SLCO5A1: variants seen among roughly 807,000 people sequenced by gnomAD.
SLCO5A1 encodes organic anion transporter polypeptide-related protein 4.
A neutral mutation model predicts 65.1 loss-of-function variants in SLCO5A1; 39 were observed. The ratio of observed to expected loss-of-function variants is 0.60; its 90% CI spans 0.46 to 0.78. The LOEUF (loss-of-function observed/expected upper bound fraction) is 0.78. SLCO5A1 is among the 30% of genes least tolerant of loss of function. The probability of loss-of-function intolerance (pLI) is 0.00; values close to 1 mark genes in which losing one functional copy is unlikely to be tolerated. For synonymous variants in SLCO5A1, 438 were observed against 415.7 expected (o/e 1.05, Z -0.65); for missense variants, 1,029 against 1,069.4 (o/e 0.96, Z 0.53).
chr8:69,803,342 G>A (rs1025244921), intron 2 of SLCO5A1, among the ~76,000 whole-genome samples: 1 of 152,088 alleles, frequency 6.6e-6, no homozygotes, highest in South Asian at 2.1e-4. Flanking sequence ...ACTTGAACCT[G>A]GGAGGCAGAG....
intron 2 of SLCO5A1, among the ~76,000 whole-genome samples, chr8:69,821,961 AC>A (rs1157299213): frequency 2.6e-5 from 4 of 152,042 alleles, no homozygotes; most frequent in African/African-American, 9.7e-5. Context: ...CCCCATCTCT[AC>A]TACAAATACA....
chr8:69,800,785 T>C (rs1447795823), intron 2 of SLCO5A1, among the ~76,000 whole-genome samples: 1 of 152,216 alleles, frequency 6.6e-6, no homozygotes, highest in Non-Finnish European at 1.5e-5. Flanking sequence ...CCCAGGCTGA[T>C]GGCACCAGAA....
chr8:69,784,895 G>GAAGGAAGAAAGA (rs368512400), intron 2 of SLCO5A1, among the ~76,000 whole-genome samples: 9 of 85,034 alleles, frequency 1.1e-4, no homozygotes, highest in South Asian at 4.6e-4. Context: ...AAGAAGAAAG[G>GAAGGAAGAAAGA]AAGAAAGAAA....
rs1305679134 is a variant in SLCO5A1 at position 69,792,187 on chromosome 8, T to G, written c.908-30312A>C. Among the ~76,000 whole-genome samples, 3 of 151,674 alleles carry G rather than the reference T, an allele frequency of 2.0e-5. No homozygotes were observed. In the East Asian group the frequency reaches 5.8e-4, roughly 29 times the overall value. ...GATATAGATTAATACCATTTCAACA[T>G]AAGAAAATCTCAAGCCAGTGTGTGA... is the stretch of plus-strand genomic sequence containing the variant. On this transcript the variant is annotated intron_variant, in intron 2 of 9. Transcript: ENST00000260126.
Position 69,703,125 on chromosome 8 carries a change from G to A in SLCO5A1, c.1622+1906C>T, listed in dbSNP as rs72660134. The stretch of plus-strand genomic sequence containing the variant: ...GACTCTGTTTCAAAAAAAAAAAAAA[G>A]AAAAAAGAAAAAAAGAAAAGAAAAA... On this transcript the variant is annotated intron_variant, in intron 6 of 9. Transcript: ENST00000260126. 2.4e-3 allele frequency among the ~76,000 whole-genome samples: 180 copies of A among 76,212 alleles called. 2 individuals are homozygous for A. The highest frequency in any genetic ancestry group is 4.8e-3 in the South Asian group (9 of 1,878). 50.0% of individuals were successfully genotyped at this position (76,212 alleles called of 152,430 possible).
chr8:69,765,049 G>A (rs1817991638), intron 2 of SLCO5A1, among the ~76,000 whole-genome samples: 1 of 152,028 alleles, frequency 6.6e-6, no homozygotes, highest in Non-Finnish European at 1.5e-5. Context: ...TTTAAAATTT[G>A]GAAAAGTAAC....
intron 3 of SLCO5A1, among the ~76,000 whole-genome samples, chr8:69,758,438 C>T (rs938688503): frequency 2.0e-5 from 3 of 152,080 alleles, no homozygotes; most frequent in Non-Finnish European, 4.4e-5. Context: ...CCTCAGCTTC[C>T]CAAAGTGCTG....
At chr8:69,831,334 G>A (rs1009911379) in intron 2 of SLCO5A1, among the ~76,000 whole-genome samples, 4 of 151,740 alleles carry the variant, frequency 2.6e-5, no homozygotes, top group East Asian at 1.9e-4. Flanking sequence ...GTCTGGCCAC[G>A]CCACCATCCC....
chr8:69,753,373 G>A (rs1244206508), intron 4 of SLCO5A1, among the ~76,000 whole-genome samples: 1 of 152,174 alleles, frequency 6.6e-6, no homozygotes, highest in Non-Finnish European at 1.5e-5. Context: ...CCTCAAGCAG[G>A]AGCCAAGCAG....
chr8:69,771,608 T>A (rs923809047), intron 2 of SLCO5A1, among the ~76,000 whole-genome samples: 1 of 152,242 alleles, frequency 6.6e-6, no homozygotes, highest in Admixed American at 6.5e-5. Flanking sequence ...ATGTGGTGCA[T>A]ATTTTGTGAT....
At chr8:69,676,708 ATAG>A in intron 8 of SLCO5A1, 35 bp from the exon 9 acceptor site, 1 of 1,578,682 alleles carries the variant, frequency 6.3e-7, no homozygotes, top group Non-Finnish European at 8.7e-7. Flanking sequence ...TGCATTTTAA[ATAG>A]TAGCCCCAAG....
At chr8:69,675,126 T>A (rs973139612) in intron 9 of SLCO5A1, among the ~76,000 whole-genome samples, 2 of 151,984 alleles carry the variant, frequency 1.3e-5, no homozygotes, top group Admixed American at 1.3e-4. Flanking sequence ...TATTTCTAAA[T>A]GTTATTTCTA....
At chr8:69,824,977 G>A (rs1164374927) in intron 2 of SLCO5A1, among the ~76,000 whole-genome samples, 7 of 151,886 alleles carry the variant, frequency 4.6e-5, no homozygotes, top group East Asian at 1.9e-4. Flanking sequence ...TTCAATATAC[G>A]CAAATCAATA....
chr8:69,824,546 G>A (rs970185020), intron 2 of SLCO5A1, among the ~76,000 whole-genome samples: 2 of 152,096 alleles, frequency 1.3e-5, no homozygotes, highest in African/African-American at 2.4e-5. Context: ...ATAAATTCCT[G>A]GACACATACA....
At chr8:69,688,836 C>T (rs1371341725) in intron 6 of SLCO5A1, among the ~76,000 whole-genome samples, 3 of 152,158 alleles carry the variant, frequency 2.0e-5, no homozygotes, top group Non-Finnish European at 4.4e-5. Flanking sequence ...GATTTATAGT[C>T]CTTTGGGTAT....
intron 2 of SLCO5A1, among the ~76,000 whole-genome samples, chr8:69,810,442 C>T (rs1313303170): frequency 6.6e-6 from 1 of 152,138 alleles, no homozygotes; most frequent in South Asian, 2.1e-4. Context: ...TGGAGGAGTG[C>T]CGTTCCAGCT....
intron 6 of SLCO5A1, among the ~76,000 whole-genome samples, chr8:69,701,807 A>G (rs1225385397): frequency 1.3e-5 from 2 of 152,348 alleles, no homozygotes; most frequent in East Asian, 1.9e-4. Flanking sequence ...GTCCCAGGCC[A>G]TAGTCATTCA....
At chr8:69,704,795 T>C in intron 6 of SLCO5A1, 1 of 515,784 alleles carries the variant, frequency 1.9e-6, no homozygotes, top group South Asian at 2.8e-5. Context: ...TCATCTGATG[T>C]AATTAAAATG....
In SLCO5A1 at chr8:69,784,895, G is replaced by GAGA. The variant is rs1554620886; in HGVS notation, c.908-23021_908-23020insTCT. Among the ~76,000 whole-genome samples, 458 of 84,736 alleles carry GAGA rather than the reference G, an allele frequency of 5.4e-3. 8 individuals carry two copies. The highest frequency in any genetic ancestry group is 0.021 in the African/African-American group (385 of 18,632). The allele number at this position is 84,736 out of a possible 152,430, so 55.6% of individuals were successfully genotyped here. A position where few individuals can be genotyped will look rare whatever the true frequency, so the allele number is the denominator to read the frequency against. Reference sequence around the variant, plus strand: ...AAGGAGAAAGAAAGAAAGAAGAAAGGAAGAAAGAAAGAAAGAAAGAAAGAA... The same window carrying GAGA: ...AAGGAGAAAGAAAGAAAGAAGAAAGGAGAAAGAAAGAAAGAAAGAAAGAAAGAA... On this transcript the variant is annotated intron_variant, in intron 2 of 9. Transcript: ENST00000260126.
Sources: allele counts gnomAD v4.1 joint callset (sites outside exome capture counted in the v4.1 genomes callset), GRCh38; gene constraint gnomAD v4.1.1; transcripts MANE v1.5; gene names NCBI Gene and HGNC (gene_info 2026-07-23, HGNC 2026-07-21).